Variants in B9D2 observed in about 807,000 individuals in gnomAD.
B9D2 encodes the protein B9 domain-containing protein 2.
Under a neutral mutation model 19.2 loss-of-function variants are expected in B9D2, and 21 were observed. The ratio of observed to expected loss-of-function variants is 1.09; its 90% CI spans 0.78 to 1.58. The LOEUF (loss-of-function observed/expected upper bound fraction) is 1.58, where lower values mean the gene tolerates loss of function less well. B9D2 is among the 40% of genes most tolerant of loss of function. B9D2 has a pLI of 0.00. For synonymous variants in B9D2, 91 were observed against 100.6 expected (o/e 0.90, Z 0.57); for missense variants, 221 against 244.3 (o/e 0.90, Z 0.64).
intron 2 of B9D2, among the ~76,000 whole-genome samples, chr19:41,359,508 C>T (rs58479032): frequency 0.075 from 11,333 of 152,070 alleles, 478 homozygotes; most frequent in African/African-American, 0.1. Context: ...CGAGACCATC[C>T]TGGCCAACAT....
intron 3 of B9D2, among the ~76,000 whole-genome samples, chr19:41,357,222 G>A (rs1433073733): frequency 2.6e-5 from 4 of 152,004 alleles, no homozygotes; most frequent in African/African-American, 9.7e-5. Flanking sequence ...TCTTAGTCCT[G>A]CCCACTCTGA....
Position 41,354,667 on chromosome 19 carries a change from T to C in B9D2, c.*33A>G, listed in dbSNP as rs192776700. 1 of 1,612,474 alleles carries C rather than the reference T, an allele frequency of 6.2e-7. No individual in the cohort carries two copies. Among genetic ancestry groups the C allele is most frequent in the Non-Finnish European group, 8.5e-7 (1 of 1,178,906 alleles). On this transcript the variant is annotated 3_prime_UTR_variant, in exon 4 of 4. Transcript: ENST00000243578. The stretch of plus-strand genomic sequence containing the variant: ...CTCCCCCATCACTGGGTGTCCGGGG[T>C]GTGGATGGTGGTGACGTTGGAGGCA...
chr19:41,355,541 TTGCCCA>T (rs1271923148), intron 3 of B9D2, among the ~76,000 whole-genome samples: 1 of 152,182 alleles, frequency 6.6e-6, no homozygotes, highest in Non-Finnish European at 1.5e-5. Flanking sequence ...TTCCATAGCT[TTGCCCA>T]TGTCCTCAGA....
chr19:41,360,365 G>A (rs1423558990), intron 2 of B9D2, among the ~76,000 whole-genome samples: 3 of 151,982 alleles, frequency 2.0e-5, no homozygotes, highest in Non-Finnish European at 2.9e-5. Flanking sequence ...TTGTAGAGAC[G>A]GGGGTCTCAC....
intron 3 of B9D2, among the ~76,000 whole-genome samples, chr19:41,356,495 C>T (rs1160731270): frequency 6.6e-6 from 1 of 151,822 alleles, no homozygotes. Context: ...CACACAGCAC[C>T]GGAAAGATTT....
rs142424836 is a variant in B9D2 at position 41,358,018 on chromosome 19, C to T, written c.93G>A (p.Ala31=). The change falls in exon 3 of 4, where the codon GCG becomes GCA. Residue 31 remains alanine (A), a synonymous_variant. Coordinates refer to ENST00000243578, the MANE Select transcript of B9D2 (RefSeq NM_030578.4). The part of the protein sequence containing the change: ...LFCKWGIHTG[A]AWKLLSGVRE... ...GCACGCCTGACAGGAGCTTCCATGC[C>T]GCCCCTGCAGTGAGAGCCGGGACAT... is the stretch of plus-strand genomic sequence containing the variant. The T allele has an allele frequency of 3.3e-5, 54 of 1,614,060 alleles. No homozygotes were observed. Among genetic ancestry groups the T allele is most frequent in the African/African-American group, 5.3e-5 (4 of 75,002 alleles).
chr19:41,356,502 A>T (rs1004390117), intron 3 of B9D2, among the ~76,000 whole-genome samples: 1 of 150,210 alleles, frequency 6.7e-6, no homozygotes, highest in East Asian at 1.9e-4. Context: ...CACCGGAAAG[A>T]TTTTTTTTTT....
chr19:41,356,681 T>TAA (rs377417750), intron 3 of B9D2, among the ~76,000 whole-genome samples: 6 of 142,878 alleles, frequency 4.2e-5, no homozygotes, highest in African/African-American at 1.0e-4. Context: ...CCATCTCTAT[T>TAA]AAAAAAAAAA....
chr19:41,359,722 A>G lies in B9D2; in HGVS notation c.89-1700T>C, dbSNP rs79198540. Among the ~76,000 whole-genome samples, 940 of 152,212 alleles carry G rather than the reference A, an allele frequency of 6.2e-3. 11 individuals are homozygous for G. The highest frequency in any genetic ancestry group is 0.021 in the African/African-American group (887 of 41,534). ...CCATCTAAAAAAAAAAAGAAAAGAA[A>G]AAAAGAAAATGCACCGAGTACTAAC... On this transcript the variant is annotated intron_variant, in intron 2 of 3. Transcript: ENST00000243578.
intron 1 of B9D2, 119 bp downstream of exon 1, chr19:41,363,838 CT>C (rs1568486695): frequency 1.9e-6 from 1 of 538,682 alleles, no homozygotes; most frequent in Admixed American, 3.2e-5. Flanking sequence ...AAAGACCCGC[CT>C]TCCGCGTCAC....
intron 2 of B9D2, among the ~76,000 whole-genome samples, chr19:41,359,307 C>G (rs1298966684): frequency 6.6e-6 from 1 of 152,110 alleles, no homozygotes; most frequent in Non-Finnish European, 1.5e-5. Context: ...TGGCTCACAT[C>G]TGTAATCCTA....
chr19:41,363,141 G>T (rs982839716), intron 2 of B9D2: 32 of 442,916 alleles, frequency 7.2e-5, no homozygotes, highest in African/African-American at 6.2e-4. Flanking sequence ...AGCTTCTCAG[G>T]AGGCTGAGGC....
chr19:41,354,510 C>G lies in B9D2; in HGVS notation c.*190G>C. 1 of 729,330 alleles carries G rather than the reference C, an allele frequency of 1.4e-6. No homozygotes were observed. Among genetic ancestry groups the G allele is most frequent in the Non-Finnish European group, 2.3e-6 (1 of 432,432 alleles). The allele number at this position is 729,330 out of a possible 1,614,324, so 45.2% of individuals were successfully genotyped here. On this transcript the variant is annotated 3_prime_UTR_variant, in exon 4 of 4. Coordinates refer to ENST00000243578, the MANE Select transcript of B9D2 (RefSeq NM_030578.4). ...CCTGCGACCCCATACATTTACTGTC[C>G]CCAATTTACAGATAGGGAAACTGGG...
chr19:41,359,475 G>T (rs2038369451), intron 2 of B9D2, among the ~76,000 whole-genome samples: 1 of 151,956 alleles, frequency 6.6e-6, no homozygotes, highest in South Asian at 2.1e-4. Context: ...GACTAAGGCA[G>T]GCAGATCACA....
Position 41,354,593 on chromosome 19 carries a change from G to A in B9D2, c.*107C>T. 2 of 1,442,298 alleles carry A rather than the reference G, an allele frequency of 1.4e-6. No homozygotes were observed. Among genetic ancestry groups the A allele is most frequent in the Non-Finnish European group, 1.9e-6 (2 of 1,040,676 alleles). 89.3% of individuals were successfully genotyped at this position (1,442,298 alleles called of 1,614,324 possible). ...GAAGCGGTGCCATGCCTTAGCTGGG[G>A]TCAGCTCTGACAGTCTCTAGAGTCT... On this transcript the variant is annotated 3_prime_UTR_variant, in exon 4 of 4. Coordinates refer to ENST00000243578, the MANE Select transcript of B9D2 (RefSeq NM_030578.4).
Position 41,358,003 on chromosome 19 carries a change from C to A in B9D2, c.108G>T (p.Leu36=). 2.5e-6 allele frequency: 4 copies of A among 1,614,136 alleles called. No homozygotes were observed. Among genetic ancestry groups the A allele is most frequent in the Admixed American group, 1.7e-5 (1 of 60,016 alleles). The change falls in exon 3 of 4, where the codon CTG becomes CTT. Residue 36 remains leucine (L), a synonymous_variant. Coordinates refer to ENST00000243578, the MANE Select transcript of B9D2 (RefSeq NM_030578.4). Reference sequence around the variant, plus strand: ...GCGTTTGGCCCTCCCGCACGCCTGACAGGAGCTTCCATGCCGCCCCTGCAG... The same window carrying A: ...GCGTTTGGCCCTCCCGCACGCCTGAAAGGAGCTTCCATGCCGCCCCTGCAG... ...GIHTGAAWKL[L]SGVREGQTQV... is the part of the protein sequence containing the mutation.
chr19:41,363,956 A>T lies in B9D2; in HGVS notation c.-5+2T>A, dbSNP rs573412098. The T allele has an allele frequency of 4.0e-5, 12 of 302,302 alleles. No homozygotes were observed. Among genetic ancestry groups the T allele is most frequent in the African/African-American group, 2.6e-4 (12 of 45,722 alleles). The allele number at this position is 302,302 out of a possible 1,614,324, so 18.7% of individuals were successfully genotyped here. ...TAAGCGCAGCGCATGCGTCATTCCT[A>T]CCTTAGCGCACTTAACGGTTAGGAG... On this transcript the variant is annotated splice_donor_variant, in intron 1 of 3. Transcript: ENST00000243578. LOFTEE classifies it low-confidence loss of function (5UTR_SPLICE).
chr19:41,363,539 T>C lies in B9D2; in HGVS notation c.-4-16A>G. 6 of 1,609,040 alleles carry C rather than the reference T, an allele frequency of 3.7e-6. No individual in the cohort carries two copies. The highest frequency in any genetic ancestry group is 5.1e-6 in the Non-Finnish European group (6 of 1,176,066). On this transcript the variant is annotated splice_polypyrimidine_tract_variant and intron_variant, in intron 1 of 3. Coordinates refer to ENST00000243578, the MANE Select transcript of B9D2 (RefSeq NM_030578.4). Reference sequence around the variant, plus strand: ...AGCCATGGCCCTGGGAGGGGAAAAATATAATCACAACCCTGTGAGGTAAGT... The same window carrying C: ...AGCCATGGCCCTGGGAGGGGAAAAACATAATCACAACCCTGTGAGGTAAGT...
chr19:41,355,360 G>A (rs1206460141), intron 3 of B9D2, among the ~76,000 whole-genome samples: 1 of 152,168 alleles, frequency 6.6e-6, no homozygotes, highest in East Asian at 1.9e-4. Context: ...ATGACCCCAT[G>A]TCAGGGCAGC....
Sources: allele counts gnomAD v4.1 joint callset (sites outside exome capture counted in the v4.1 genomes callset), GRCh38; gene constraint gnomAD v4.1.1; transcripts MANE v1.5; gene names NCBI Gene and HGNC (gene_info 2026-07-23, HGNC 2026-07-21).